The following RPGRIP1 variants were observed in gnomAD, a reference collection of about 807,000 sequenced individuals.
RPGRIP1 encodes X-linked retinitis pigmentosa GTPase regulator-interacting protein 1.
In RPGRIP1, 128 loss-of-function variants were observed where a neutral mutation model predicts 157.9. The observed-to-expected ratio is 0.81, with a 90% CI of 0.70 to 0.94. The LOEUF is 0.94. Ranked by LOEUF, RPGRIP1 falls within the 40% of genes least tolerant of loss-of-function variation. The pLI, the probability that RPGRIP1 is intolerant of heterozygous loss-of-function variation, is 0.00. For missense variants in RPGRIP1, 1,486 were observed against 1,545.8 expected, an observed-to-expected ratio of 0.96 and a Z score of 0.65; for synonymous variants, 554 against 571.6, an observed-to-expected ratio of 0.97 and a Z score of 0.44.
intron 2 of RPGRIP1, among the ~76,000 whole-genome samples, chr14:21,289,469 C>T (rs1859941839): frequency 6.6e-6 from 1 of 152,118 alleles, no homozygotes; most frequent in Non-Finnish European, 1.5e-5. Context: ...TAGCAGTACC[C>T]TATCTCTAAA....
intron 14 of RPGRIP1, among the ~76,000 whole-genome samples, chr14:21,323,057 C>T (rs1882672550): frequency 6.6e-6 from 1 of 152,126 alleles, no homozygotes; most frequent in Non-Finnish European, 1.5e-5. Flanking sequence ...GAACTTGGAA[C>T]CACAGTTCAG....
intron 3 of RPGRIP1, among the ~76,000 whole-genome samples, chr14:21,297,209 C>T (rs1458453158): frequency 6.6e-6 from 1 of 152,034 alleles, no homozygotes; most frequent in Non-Finnish European, 1.5e-5. Context: ...ATTCTCCTGC[C>T]TCAGCCTCCC....
At position 21,327,906 on chromosome 14, in the gene RPGRIP1, C is replaced by T. The variant is rs189271691; in HGVS notation, c.2895+99C>T. 1.2e-3 allele frequency: 1,147 copies of T among 926,740 alleles called. 2 individuals carry two copies. The highest frequency in any genetic ancestry group is 6.0e-3 in the Middle Eastern group (17 of 2,830). The allele number at this position is 926,740 out of a possible 1,614,324, so 57.4% of individuals were successfully genotyped here. ...TAGTTGAAGTAGGTGCAGTGGCTCA[C>T]GCCTGTAATCCCAGCACTTTGGGAG... On this transcript the variant is annotated intron_variant, in intron 18 of 24. Transcript: ENST00000400017.
Position 21,300,946 on chromosome 14 carries a change from C to G in RPGRIP1, c.219-20C>G, listed in dbSNP as rs1163134808. On this transcript the variant is annotated intron_variant, in intron 3 of 24. Transcript: ENST00000400017. ...ATAACTGTCATGAAAGGAGAAGCCA[C>G]GTGCTCTATTTGTCCACAGGCTGAG... is the stretch of plus-strand genomic sequence containing the variant. 1 of 1,608,330 alleles carries G rather than the reference C, an allele frequency of 6.2e-7. No individual in the cohort carries two copies. Among genetic ancestry groups the G allele is most frequent in the East Asian group, 2.2e-5 (1 of 44,808 alleles).
At chr14:21,291,738 T>C (rs1162211559) in intron 2 of RPGRIP1, among the ~76,000 whole-genome samples, 6 of 152,034 alleles carry the variant, frequency 3.9e-5, no homozygotes, top group Non-Finnish European at 2.9e-5. Flanking sequence ...CACACCACCA[T>C]GCCCAGATAA....
intron 6 of RPGRIP1, among the ~76,000 whole-genome samples, chr14:21,304,650 CCCATTGCCT>C (rs1414969529): frequency 6.6e-6 from 1 of 152,038 alleles, no homozygotes; most frequent in Non-Finnish European, 1.5e-5. Context: ...TTCCTGTATA[CCCATTGCCT>C]CCATACACAC....
intron 11 of RPGRIP1, among the ~76,000 whole-genome samples, chr14:21,318,827 G>A (rs1454056117): frequency 2.6e-5 from 4 of 151,830 alleles, no homozygotes; most frequent in African/African-American, 9.7e-5. Context: ...TCATTTTAGA[G>A]GTAACTGGAA....
At chr14:21,295,560 C>T (rs185905534) in intron 3 of RPGRIP1, among the ~76,000 whole-genome samples, 17 of 149,700 alleles carry the variant, frequency 1.1e-4, no homozygotes, top group African/African-American at 3.2e-4. Context: ...CTCAGCTCAC[C>T]GCAACCTCCG....
chr14:21,344,828 C>T (rs983687340), intron 22 of RPGRIP1, among the ~76,000 whole-genome samples: 29 of 152,120 alleles, frequency 1.9e-4, no homozygotes, highest in Non-Finnish European at 7.4e-5. Context: ...CACCTGTAAT[C>T]CCAACTACTC....
intron 10 of RPGRIP1, among the ~76,000 whole-genome samples, chr14:21,315,580 T>A (rs1247881141): frequency 6.6e-6 from 1 of 150,776 alleles, no homozygotes; most frequent in Non-Finnish European, 1.5e-5. Context: ...ATTGAGGAGG[T>A]CTTACGGGAG....
At chr14:21,293,834 G>T (rs1233518887) in intron 2 of RPGRIP1, among the ~76,000 whole-genome samples, 1 of 151,644 alleles carries the variant, frequency 6.6e-6, no homozygotes, top group Non-Finnish European at 1.5e-5. Flanking sequence ...AGCCGAGATG[G>T]CGCCACTGCA....
intron 3 of RPGRIP1, among the ~76,000 whole-genome samples, chr14:21,296,194 C>T (rs1880768175): frequency 6.6e-6 from 1 of 151,340 alleles, no homozygotes; most frequent in African/African-American, 2.4e-5. Context: ...TTCCGCCTCC[C>T]GGATTCAAGC....
chr14:21,310,601 C>T lies in RPGRIP1; in HGVS notation c.924C>T (p.Leu308=), dbSNP rs1361034933. Residue 308 remains leucine, a synonymous_variant, in exon 8 of 25, where the codon CTC becomes CTT. Coordinates refer to ENST00000400017, the MANE Select transcript of RPGRIP1 (RefSeq NM_020366.4). ...TEVQEAYETL[L]QKNQGILSAA... is the part of the protein sequence containing the mutation. ...TCTTCCAGGCATACGAAACCTTGCT[C>T]CAGAAGGTACTTAATGAGAATTGAG... 6.2e-6 allele frequency: 9 copies of T among 1,458,254 alleles called. No homozygotes were observed. In the East Asian group the frequency reaches 1.4e-4, roughly 23 times the overall value. 90.3% of individuals were successfully genotyped at this position (1,458,254 alleles called of 1,614,324 possible).
At chr14:21,288,607 C>A (rs1001719489) in intron 2 of RPGRIP1, among the ~76,000 whole-genome samples, 3 of 151,682 alleles carry the variant, frequency 2.0e-5, no homozygotes, top group Non-Finnish European at 4.4e-5. Context: ...CTATGCCTCC[C>A]GGGTTCAAGC....
chr14:21,318,000 A>G, intron 11 of RPGRIP1, 150 bp downstream of exon 11: 1 of 709,480 alleles, frequency 1.4e-6, no homozygotes. Context: ...CACTAGCAAT[A>G]GATCAGATCT....
chr14:21,342,752 G>A (rs1885148427), intron 21 of RPGRIP1, among the ~76,000 whole-genome samples: 1 of 152,022 alleles, frequency 6.6e-6, no homozygotes, highest in Non-Finnish European at 1.5e-5. Flanking sequence ...TTCTATATGT[G>A]GAGATGACTG....
chr14:21,284,703 C>G (rs1880241341), intron 1 of RPGRIP1, among the ~76,000 whole-genome samples: 1 of 151,982 alleles, frequency 6.6e-6, no homozygotes, highest in Admixed American at 6.6e-5. Context: ...TGGCACATGT[C>G]ACCGCGCCCA....
intron 1 of RPGRIP1, among the ~76,000 whole-genome samples, chr14:21,287,106 A>C (rs911250620): frequency 7.9e-5 from 12 of 151,954 alleles, no homozygotes; most frequent in African/African-American, 2.9e-4. Context: ...AGATGAAAAA[A>C]AGAGAAAGAG....
chr14:21,284,695 G>T (rs576860144), intron 1 of RPGRIP1, among the ~76,000 whole-genome samples: 1 of 151,870 alleles, frequency 6.6e-6, no homozygotes, highest in Non-Finnish European at 1.5e-5. Flanking sequence ...CTCTGTCGTG[G>T]CACATGTCAC....
Sources: gnomAD v4.1 joint callset for allele counts (sites outside exome capture counted in the v4.1 genomes callset) on GRCh38, gnomAD v4.1.1 for gene constraint, MANE v1.5 for transcripts, NCBI Gene and HGNC (gene_info 2026-07-23, HGNC 2026-07-21) for gene names.